ABCA13: variants seen among roughly 807,000 people sequenced by gnomAD.
ABCA13 encodes the protein ATP-binding cassette sub-family A member 13.
Under a neutral mutation model 478.7 loss-of-function variants are expected in ABCA13, and 476 were observed. The observed-to-expected ratio is 0.99, with a 90% confidence interval of 0.92 to 1.07. The LOEUF is 1.07. ABCA13 is among the 50% of genes least tolerant of loss of function. ABCA13 has a pLI of 0.00. For synonymous variants in ABCA13, 2,252 were observed against 2,158.9 expected, an observed-to-expected ratio of 1.04 and a Z score of -1.20; for missense variants, 6,060 against 5,910.6, an observed-to-expected ratio of 1.03 and a Z score of -0.83.
At chr7:48,329,429 G>A (rs756630906) in intron 27 of ABCA13, among the ~76,000 whole-genome samples, 1 of 152,140 alleles carries the variant, frequency 6.6e-6, no homozygotes, top group African/African-American at 2.4e-5. Flanking sequence ...TTGAGTGTTA[G>A]CATCCTAGGG....
chr7:48,199,405 G>T (rs1260626885), intron 3 of ABCA13, among the ~76,000 whole-genome samples: 1 of 152,174 alleles, frequency 6.6e-6, no homozygotes, highest in Non-Finnish European at 1.5e-5. Flanking sequence ...CATTATAAAT[G>T]ACACCTTCCA....
At chr7:48,430,852 C>T (rs931837671) in intron 42 of ABCA13, among the ~76,000 whole-genome samples, 1 of 152,068 alleles carries the variant, frequency 6.6e-6, no homozygotes, top group African/African-American at 2.4e-5. Context: ...TGAAATTCAG[C>T]TCTAATTTTT....
At chr7:48,232,277 G>A (rs748357273) in intron 7 of ABCA13, among the ~76,000 whole-genome samples, 4 of 151,104 alleles carry the variant, frequency 2.6e-5, no homozygotes, top group African/African-American at 4.9e-5. Flanking sequence ...GGTGGGGTGC[G>A]AGATGAATAA....
At chr7:48,293,393 A>C (rs1449742507) in intron 20 of ABCA13, among the ~76,000 whole-genome samples, 1 of 152,190 alleles carries the variant, frequency 6.6e-6, no homozygotes, top group Non-Finnish European at 1.5e-5. Context: ...AGTGGTTTTG[A>C]AAAAAATATT....
intron 41 of ABCA13, among the ~76,000 whole-genome samples, chr7:48,425,741 A>ATTTG (rs1821312870): frequency 6.8e-6 from 1 of 147,658 alleles, no homozygotes; most frequent in Admixed American, 6.9e-5. Flanking sequence ...TTATTTATTT[A>ATTTG]TTTATTTATT....
At chr7:48,244,470 C>A in intron 10 of ABCA13, 106 bp from the exon 11 acceptor site, 1 of 1,361,742 alleles carries the variant, frequency 7.3e-7, no homozygotes, top group Non-Finnish European at 9.9e-7. Context: ...AGTGAACACA[C>A]TTCTCAAAGC....
At chr7:48,446,528 T>C (rs1824331551) in intron 42 of ABCA13, among the ~76,000 whole-genome samples, 1 of 152,222 alleles carries the variant, frequency 6.6e-6, no homozygotes, top group Non-Finnish European at 1.5e-5. Context: ...TCTCTGTATT[T>C]CATTTCTAAT....
rs1804814536 is a variant in ABCA13 at position 48,329,210 on chromosome 7, CAG to C, written c.10000-6211_10000-6210del. ...GTTTTTGTAAACATATAGATAAACTCAGGGGGTCCACATTGAAGAACCAATAA... is the reference window on the plus strand; with the variant it reads ...GTTTTTGTAAACATATAGATAAACTCGGGGTCCACATTGAAGAACCAATAA... On this transcript the variant is annotated intron_variant, in intron 27 of 61. Coordinates refer to ENST00000435803, the MANE Select transcript of ABCA13 (RefSeq NM_152701.5). Among the ~76,000 whole-genome samples, 6 of 152,276 alleles carry C rather than the reference CAG, an allele frequency of 3.9e-5. No individual in the cohort carries two copies. The South Asian group carries it at 1.2e-3, about 32-fold the overall frequency.
At chr7:48,524,011 C>T (rs1287707306) in intron 53 of ABCA13, among the ~76,000 whole-genome samples, 1 of 152,086 alleles carries the variant, frequency 6.6e-6, no homozygotes, top group African/African-American at 2.4e-5. Flanking sequence ...AGTTTAGTGC[C>T]AATTCATTTC....
intron 55 of ABCA13, among the ~76,000 whole-genome samples, chr7:48,563,849 C>G (rs1241309602): frequency 6.9e-6 from 1 of 145,166 alleles, no homozygotes; most frequent in African/African-American, 2.6e-5. Context: ...TTTTGCATGG[C>G]CTCATCTTTC....
chr7:48,295,887 C>A, intron 21 of ABCA13, 24 bp downstream of exon 21: 2 of 1,578,530 alleles, frequency 1.3e-6, no homozygotes, highest in Non-Finnish European at 1.7e-6. Flanking sequence ...TTCTTTCATG[C>A]CCTCCCCAGT....
chr7:48,561,259 C>G (rs1162826035), intron 55 of ABCA13, among the ~76,000 whole-genome samples: 1 of 152,018 alleles, frequency 6.6e-6, no homozygotes, highest in Non-Finnish European at 1.5e-5. Flanking sequence ...GTTAAATACC[C>G]AGAATCAGAA....
chr7:48,203,316 G>A (rs1235243552), intron 3 of ABCA13, among the ~76,000 whole-genome samples: 1 of 152,234 alleles, frequency 6.6e-6, no homozygotes, highest in Non-Finnish European at 1.5e-5. Context: ...CTCCCCGCAA[G>A]CTGAAGGAGT....
chr7:48,629,563 G>C (rs1384660465), intron 59 of ABCA13, among the ~76,000 whole-genome samples: 1 of 64,082 alleles, frequency 1.6e-5, no homozygotes, highest in Non-Finnish European at 3.0e-5. Context: ...TAAAGCATCA[G>C]TTACATTTTG....
At chr7:48,421,636 C>T (rs1820754762) in intron 41 of ABCA13, among the ~76,000 whole-genome samples, 1 of 152,206 alleles carries the variant, frequency 6.6e-6, no homozygotes. Context: ...AGCCCTGGCT[C>T]TAGAATCAGC....
At chr7:48,415,843 G>A (rs1278778272) in intron 41 of ABCA13, among the ~76,000 whole-genome samples, 1 of 152,114 alleles carries the variant, frequency 6.6e-6, no homozygotes, top group Non-Finnish European at 1.5e-5. Flanking sequence ...ATATCTCCAG[G>A]TAAAACATAC....
chr7:48,601,316 T>G (rs1790875044), intron 58 of ABCA13, among the ~76,000 whole-genome samples: 1 of 152,106 alleles, frequency 6.6e-6, no homozygotes. Flanking sequence ...CCATGGTGGT[T>G]TGCAGCACCC....
At chr7:48,518,353 C>G (rs929643473) in intron 52 of ABCA13, among the ~76,000 whole-genome samples, 1 of 152,132 alleles carries the variant, frequency 6.6e-6, no homozygotes, top group Non-Finnish European at 1.5e-5. Context: ...GAGAGCTTCC[C>G]TGGGGAGTGG....
rs1465196204 is a variant in ABCA13 at position 48,376,490 on chromosome 7, ATT to A, written c.11255_11256del (p.Phe3752TrpfsTer10). On this transcript the variant is annotated frameshift_variant, in exon 35 of 62. Transcript: ENST00000435803. LOFTEE classifies it high-confidence loss of function. ...AGGCTCTGGAACAAGGGGGCATGAC[ATT>A]TGGCTGGGTTTGCTGGATGATTCTT... ...YQALEQGGMT[F>X]GWVCWMILFD... 5 of 1,613,766 alleles carry A rather than the reference ATT, an allele frequency of 3.1e-6. No homozygotes were observed. The highest frequency in any genetic ancestry group is 4.2e-6 in the Non-Finnish European group (5 of 1,179,852).
Sources: gnomAD v4.1 joint callset for allele counts (sites outside exome capture counted in the v4.1 genomes callset) on GRCh38, gnomAD v4.1.1 for gene constraint, MANE v1.5 for transcripts, NCBI Gene and HGNC (gene_info 2026-07-23, HGNC 2026-07-21) for gene names.